WDR27: variants seen among roughly 807,000 people sequenced by gnomAD.
The protein encoded by WDR27 is WD repeat domain 27, also known as WD repeat-containing protein 27.
In WDR27, 100 loss-of-function variants were observed where a neutral mutation model predicts 114.4. The ratio of observed to expected loss-of-function variants is 0.87; its 90% CI spans 0.74 to 1.03. The LOEUF is 1.03. WDR27 is among the 50% of genes least tolerant of loss of function. The pLI, the probability that WDR27 is intolerant of heterozygous loss-of-function variation, is 0.00. For missense variants in WDR27, 1,129 were observed against 1,092.9 expected (o/e 1.03, Z -0.47); for synonymous variants, 449 against 423.1 (o/e 1.06, Z -0.75).
At chr6:169,446,326 C>T in the WDR27 span, among the ~76,000 whole-genome samples, 1 of 152,032 alleles carries the variant, frequency 6.6e-6, no homozygotes, top group Non-Finnish European at 1.5e-5. Flanking sequence ...AGTTAAAGGA[C>T]TCTGGAAGCC....
intron 25 of WDR27, among the ~76,000 whole-genome samples, chr6:169,482,119 G>A (rs552988005): frequency 1.3e-5 from 2 of 152,314 alleles, no homozygotes; most frequent in African/African-American, 4.8e-5. Context: ...CCCTGCAAAG[G>A]ACATGATCTT....
chr6:169,630,786 C>T (rs754584769), intron 21 of WDR27, among the ~76,000 whole-genome samples: 3 of 152,032 alleles, frequency 2.0e-5, no homozygotes, highest in African/African-American at 4.8e-5. Flanking sequence ...CCCAGCTACT[C>T]GGGAGCCTGA....
chr6:169,429,872 G>A, the WDR27 span, among the ~76,000 whole-genome samples: 3 of 152,158 alleles, frequency 2.0e-5, no homozygotes, highest in Non-Finnish European at 4.4e-5. Flanking sequence ...GGGTTTAGGT[G>A]GTAGTGTCCT....
chr6:169,647,644 C>T, intron 16 of WDR27, 129 bp downstream of exon 16: 1 of 872,534 alleles, frequency 1.1e-6, no homozygotes, highest in Non-Finnish European at 1.9e-6. Context: ...CCATGCCATG[C>T]AACTTCAAGT....
chr6:169,431,929 C>T, the WDR27 span, among the ~76,000 whole-genome samples: 2 of 152,224 alleles, frequency 1.3e-5, no homozygotes, highest in African/African-American at 4.8e-5. Flanking sequence ...CAAAGATTGC[C>T]TCACTGCAAA....
At chr6:169,535,636 A>C (rs1488485172) in intron 25 of WDR27, among the ~76,000 whole-genome samples, 1 of 152,332 alleles carries the variant, frequency 6.6e-6, no homozygotes, top group East Asian at 1.9e-4. Flanking sequence ...TACTTAATGC[A>C]GCTTAAAACG....
chr6:169,649,094 G>T, intron 15 of WDR27, 104 bp downstream of exon 15: 1 of 889,114 alleles, frequency 1.1e-6, no homozygotes, highest in Non-Finnish European at 1.8e-6. Context: ...GTAAACACAT[G>T]TACACATATA....
At chr6:169,478,231 T>C (rs1047386386) in intron 25 of WDR27, among the ~76,000 whole-genome samples, 2 of 152,156 alleles carry the variant, frequency 1.3e-5, no homozygotes, top group African/African-American at 4.8e-5. Flanking sequence ...CATTTACTTG[T>C]GCAACACAAG....
chr6:169,692,507 G>A (rs1330267263), intron 1 of WDR27, among the ~76,000 whole-genome samples: 4 of 150,862 alleles, frequency 2.7e-5, no homozygotes, highest in South Asian at 2.1e-4. Context: ...GGCCATGCTC[G>A]TTTTCTCAGT....
intron 23 of WDR27, among the ~76,000 whole-genome samples, chr6:169,594,239 AT>A (rs1410386959): frequency 6.6e-6 from 1 of 152,330 alleles, no homozygotes; most frequent in African/African-American, 2.4e-5. Flanking sequence ...GAAGCAAGAA[AT>A]TTTTTGGTTT....
chr6:169,659,254 AGCAGACGAAACGTGCATCC>A lies in WDR27; in HGVS notation c.1198-66_1198-48del, dbSNP rs552235564. ...ATCGTTAGCGACACCACCCAGTAAAAGCAGACGAAACGTGCATCCGCACACGTATCCTAACAGCTGCTTC... is the reference window on the plus strand; with the variant it reads ...ATCGTTAGCGACACCACCCAGTAAAAGCACACGTATCCTAACAGCTGCTTC... On this transcript the variant is annotated intron_variant, in intron 11 of 25. Coordinates refer to ENST00000448612, the MANE Select transcript of WDR27 (RefSeq NM_182552.5). This position sits in a 1 kb window ranked among gnomAD's most constrained non-coding sequence, Gnocchi z 4.3. The A allele has an allele frequency of 1.1e-4, 179 of 1,562,334 alleles. 2 individuals are homozygous for A. Among genetic ancestry groups the A allele is most frequent in the East Asian group, 1.0e-3 (45 of 44,288 alleles).
At chr6:169,428,622 C>T in the WDR27 span, among the ~76,000 whole-genome samples, 2 of 151,172 alleles carry the variant, frequency 1.3e-5, no homozygotes, top group Non-Finnish European at 2.9e-5. Context: ...GGGGGTTCTA[C>T]TCCTTTGATA....
At chr6:169,690,005 C>A (rs1784055076) in intron 1 of WDR27, among the ~76,000 whole-genome samples, 1 of 151,974 alleles carries the variant, frequency 6.6e-6, no homozygotes, top group Non-Finnish European at 1.5e-5. Flanking sequence ...GGCCCTCATG[C>A]TGGTCATGTG....
chr6:169,671,267 A>T (rs1778676716), intron 3 of WDR27: 1 of 152,522 alleles, frequency 6.6e-6, no homozygotes, highest in Admixed American at 6.5e-5. Flanking sequence ...TGGACCTATC[A>T]CCAGCAAAAT....
At chr6:169,689,506 G>A (rs182073189) in intron 1 of WDR27, among the ~76,000 whole-genome samples, 2 of 152,140 alleles carry the variant, frequency 1.3e-5, no homozygotes, top group African/African-American at 4.8e-5. Flanking sequence ...AACTAACCTG[G>A]GCTTGATTCA....
intron 25 of WDR27, among the ~76,000 whole-genome samples, chr6:169,463,783 C>T (rs1362326220): frequency 6.6e-6 from 1 of 152,098 alleles, no homozygotes; most frequent in African/African-American, 2.4e-5. Context: ...ATTATTAAAA[C>T]AATTCCATTT....
intron 13 of WDR27, among the ~76,000 whole-genome samples, chr6:169,655,965 G>A (rs1415562653): frequency 4.6e-5 from 7 of 152,088 alleles, no homozygotes; most frequent in Non-Finnish European, 1.0e-4. Context: ...CTCGTGATCC[G>A]CCTGCCTCGG....
chr6:169,608,804 C>G (rs1013995399), intron 22 of WDR27, among the ~76,000 whole-genome samples: 3 of 152,146 alleles, frequency 2.0e-5, no homozygotes, highest in Non-Finnish European at 4.4e-5. Context: ...CAGCATTAAC[C>G]CAAAAGTCCA....
rs538396574 is a variant in WDR27, at chr6:169,469,343, G to A, written c.2646-11709C>T. 1.2e-4 allele frequency among the ~76,000 whole-genome samples: 18 copies of A among 152,286 alleles called. No homozygotes were observed. The East Asian group carries it at 2.5e-3, about 21-fold the overall frequency. Reference sequence around the variant, plus strand: ...TAACATAGACATTCCCATCCCAAAAGGGAGAAACAGGAAAGAAGGAAGGGG... The same window carrying A: ...TAACATAGACATTCCCATCCCAAAAAGGAGAAACAGGAAAGAAGGAAGGGG... On this transcript the variant is annotated intron_variant, in intron 25 of 25. Coordinates refer to ENST00000448612, the MANE Select transcript of WDR27 (RefSeq NM_182552.5).
Sources: allele counts gnomAD v4.1 joint callset (sites outside exome capture counted in the v4.1 genomes callset), GRCh38; gene constraint gnomAD v4.1.1; non-coding constraint Gnocchi (gnomAD v3.1); transcripts MANE v1.5; gene names NCBI Gene and HGNC (gene_info 2026-07-23, HGNC 2026-07-21).